UST: variants seen among roughly 807,000 people sequenced by gnomAD.
UST encodes uronyl 2-sulfotransferase.
In UST, 21 loss-of-function variants were observed where a neutral mutation model predicts 45.6. That is an observed-to-expected ratio of 0.46 (90% confidence interval 0.33 to 0.66). UST has a LOEUF of 0.66. Ranked by LOEUF, UST falls within the 30% of genes least tolerant of loss-of-function variation. UST has a pLI of 0.02. For synonymous variants in UST, 215 were observed against 200.6 expected (o/e 1.07, Z -0.61); for missense variants, 463 against 512.4 (o/e 0.90, Z 0.93).
Position 148,866,496 on chromosome 6 carries a change from T to TC in UST, c.248-20488dup, listed in dbSNP as rs563710607. Among the ~76,000 whole-genome samples the TC allele has an allele frequency of 1.2e-4, 18 of 152,268 alleles. No homozygotes were observed. The South Asian group carries it at 3.7e-3, about 32-fold the overall frequency. On this transcript the variant is annotated intron_variant, in intron 1 of 7. Transcript: ENST00000367463. ...TCGTCTACAAGATGCGAAAACAACA[T>TC]CCACCTGAAGATTGAATGAGAGCAC...
intron 2 of UST, among the ~76,000 whole-genome samples, chr6:148,929,146 G>A (rs144988692): frequency 6.6e-6 from 1 of 152,278 alleles, no homozygotes; most frequent in Non-Finnish European, 1.5e-5. Context: ...TTGAGTGGTG[G>A]GGTACAGCAG....
At chr6:148,829,876 T>C (rs578094637) in intron 1 of UST, among the ~76,000 whole-genome samples, 1 of 152,330 alleles carries the variant, frequency 6.6e-6, no homozygotes, top group East Asian at 1.9e-4. Flanking sequence ...TTTTGGAAGG[T>C]GTTTTAAAAA....
intron 7 of UST, among the ~76,000 whole-genome samples, chr6:149,033,894 A>T (rs375427990): frequency 6.6e-6 from 1 of 152,030 alleles, no homozygotes; most frequent in Non-Finnish European, 1.5e-5. Flanking sequence ...TCCTATTCCA[A>T]CCCTCCCAAA....
intron 2 of UST, among the ~76,000 whole-genome samples, chr6:148,904,061 G>A (rs1282184442): frequency 2.0e-5 from 3 of 152,186 alleles, no homozygotes; most frequent in Non-Finnish European, 4.4e-5. Flanking sequence ...TGTCAGAAGG[G>A]ACATTGACTC....
chr6:148,873,624 A>G (rs1057361013), intron 1 of UST, among the ~76,000 whole-genome samples: 2 of 152,168 alleles, frequency 1.3e-5, no homozygotes, highest in Non-Finnish European at 2.9e-5. Context: ...GTGTGTGGGT[A>G]TGGAACAGGG....
At chr6:149,041,338 C>T (rs1266731080) in intron 7 of UST, among the ~76,000 whole-genome samples, 10 of 152,200 alleles carry the variant, frequency 6.6e-5, no homozygotes, top group Non-Finnish European at 1.3e-4. Flanking sequence ...TCCAGCCCAG[C>T]GAGCTATCGC....
intron 1 of UST, among the ~76,000 whole-genome samples, chr6:148,880,794 C>G (rs1468101448): frequency 6.6e-6 from 1 of 152,062 alleles, no homozygotes; most frequent in Non-Finnish European, 1.5e-5. Context: ...TTTTGGGAGG[C>G]CAAGGTGGGT....
intron 5 of UST, among the ~76,000 whole-genome samples, chr6:148,996,243 A>G (rs184440363): frequency 6.6e-5 from 10 of 152,320 alleles, no homozygotes; most frequent in African/African-American, 2.4e-4. Flanking sequence ...TTTCTGAGAC[A>G]GGATCTCACT....
chr6:148,860,890 T>C (rs9403993), intron 1 of UST, among the ~76,000 whole-genome samples: 109,387 of 152,072 alleles, frequency 0.72, 40,983 homozygotes, highest in East Asian at 0.99. Flanking sequence ...CTGTTGGATT[T>C]GGTTTGCCAG....
intron 5 of UST, among the ~76,000 whole-genome samples, chr6:148,966,266 AG>A: frequency 6.6e-6 from 1 of 151,860 alleles, no homozygotes; most frequent in Non-Finnish European, 1.5e-5. Flanking sequence ...AAAAAACTAT[AG>A]GTTATGAATA....
At chr6:149,023,150 G>GTGTGT (rs71007933) in intron 7 of UST, among the ~76,000 whole-genome samples, 1 of 138,566 alleles carries the variant, frequency 7.2e-6, no homozygotes, top group African/African-American at 2.6e-5. Context: ...GTGTGTGTGT[G>GTGTGT]GTGTGGTGTG....
At chr6:148,911,080 G>A (rs1448836687) in intron 2 of UST, among the ~76,000 whole-genome samples, 3 of 152,120 alleles carry the variant, frequency 2.0e-5, no homozygotes, top group African/African-American at 7.2e-5. Flanking sequence ...GGTCTCTGGT[G>A]AAGCCCAGAG....
intron 5 of UST, among the ~76,000 whole-genome samples, chr6:148,965,755 C>T (rs150186363): frequency 2.6e-4 from 39 of 152,276 alleles, no homozygotes; most frequent in African/African-American, 8.7e-4. Flanking sequence ...ACCAGACCCA[C>T]GGCTTTCCAC....
intron 7 of UST, among the ~76,000 whole-genome samples, chr6:149,073,190 T>C (rs1346015188): frequency 1.3e-5 from 2 of 152,176 alleles, no homozygotes; most frequent in Admixed American, 6.5e-5. Context: ...CGTGCCATAA[T>C]CCCAGCACTT....
intron 7 of UST, among the ~76,000 whole-genome samples, chr6:149,029,482 A>C (rs1381841799): frequency 6.9e-6 from 1 of 145,850 alleles, no homozygotes; most frequent in Non-Finnish European, 1.5e-5. Flanking sequence ...TATAATGTAT[A>C]TATAATATAT....
At chr6:148,840,932 G>A (rs368168726) in intron 1 of UST, among the ~76,000 whole-genome samples, 1 of 151,880 alleles carries the variant, frequency 6.6e-6, no homozygotes, top group South Asian at 2.1e-4. Flanking sequence ...CGCACAGCTT[G>A]GTGTGTGTCC....
chr6:148,853,899 C>G (rs765524053), intron 1 of UST, among the ~76,000 whole-genome samples: 2 of 152,194 alleles, frequency 1.3e-5, no homozygotes, highest in East Asian at 1.9e-4. Context: ...TTCCCTACCC[C>G]CTGCATACCC....
At position 148,941,280 on chromosome 6, in the gene UST, T is replaced by A. The variant is rs1245102005; in HGVS notation, c.293T>A (p.Val98Glu). ...LDDHGPPPSKVLPFPSQVVYN... is the reference protein window; with the variant it reads ...LDDHGPPPSKELPFPSQVVYN... ...TTGTTCTCTTGGTTTTTTTCCCAGG[T>A]ACTACCTTTCCCAAGCCAGGTGGTG... is the stretch of plus-strand genomic sequence containing the variant. The change falls in exon 3 of 8, where the codon GTA (valine) becomes GAA (glutamate). Residue 98 changes from valine to glutamate, a missense_variant and splice_region_variant. Transcript: ENST00000367463. The A allele has an allele frequency of 6.2e-7, 1 of 1,613,134 alleles. No individual in the cohort carries two copies. The highest frequency in any genetic ancestry group is 1.3e-5 in the African/African-American group (1 of 74,988).
intron 7 of UST, among the ~76,000 whole-genome samples, chr6:149,048,544 A>C (rs1562339288): frequency 1.3e-5 from 2 of 152,022 alleles, no homozygotes; most frequent in African/African-American, 2.4e-5. Flanking sequence ...CAAAAAAAAA[A>C]AAAAGAGAGA....
Sources: allele counts gnomAD v4.1 joint callset (sites outside exome capture counted in the v4.1 genomes callset), GRCh38; gene constraint gnomAD v4.1.1; transcripts MANE v1.5; gene names NCBI Gene and HGNC (gene_info 2026-07-23, HGNC 2026-07-21).